Variants in DIAPH3 observed in about 807,000 individuals in gnomAD.
DIAPH3 encodes diaphanous related formin 3.
A neutral mutation model predicts 144.3 loss-of-function variants in DIAPH3; 117 were observed. The observed-to-expected ratio is 0.81, with a 90% CI of 0.70 to 0.95. The LOEUF is 0.95. Among genes scored for constraint, DIAPH3 ranks in the 40% least tolerant of loss-of-function variants. The pLI, the probability that DIAPH3 is intolerant of heterozygous loss-of-function variation, is 0.00. For missense variants in DIAPH3, 1,421 were observed against 1,412.7 expected, an observed-to-expected ratio of 1.01 and a Z score of -0.09; for synonymous variants, 519 against 488.9, an observed-to-expected ratio of 1.06 and a Z score of -0.81.
chr13:59,826,861 C>G (rs2041462550), intron 24 of DIAPH3, among the ~76,000 whole-genome samples: 1 of 151,902 alleles, frequency 6.6e-6, no homozygotes. Flanking sequence ...AGAACACAGC[C>G]CTCAGAAATA....
intron 27 of DIAPH3, among the ~76,000 whole-genome samples, chr13:59,702,145 G>A (rs994269417): frequency 6.6e-6 from 1 of 152,088 alleles, no homozygotes; most frequent in Non-Finnish European, 1.5e-5. Flanking sequence ...CTTGGCCATA[G>A]TAATTGTATT....
chr13:59,715,668 C>T (rs1413051441), intron 27 of DIAPH3, among the ~76,000 whole-genome samples: 1 of 151,892 alleles, frequency 6.6e-6, no homozygotes, highest in Non-Finnish European at 1.5e-5. Context: ...CATAGTTTGT[C>T]CCAATTATAG....
At chr13:60,147,977 A>G (rs1014193850) in intron 1 of DIAPH3, among the ~76,000 whole-genome samples, 1 of 152,108 alleles carries the variant, frequency 6.6e-6, no homozygotes, top group Non-Finnish European at 1.5e-5. Context: ...CAGCAGAGAG[A>G]TGGAAGGTAA....
chr13:59,759,197 G>C (rs1337813714), intron 27 of DIAPH3, among the ~76,000 whole-genome samples: 1 of 152,124 alleles, frequency 6.6e-6, no homozygotes, highest in African/African-American at 2.4e-5. Flanking sequence ...AAAATACAAA[G>C]AGGTTATAGA....
intron 27 of DIAPH3, chr13:59,695,266 C>G (rs1593596900): frequency 6.6e-6 from 1 of 152,190 alleles, no homozygotes; most frequent in Admixed American, 6.5e-5. Flanking sequence ...AGGCAAGCAG[C>G]ATAAATGTCT....
intron 27 of DIAPH3, among the ~76,000 whole-genome samples, chr13:59,768,211 A>G (rs1249511671): frequency 6.6e-6 from 1 of 152,160 alleles, no homozygotes; most frequent in Non-Finnish European, 1.5e-5. Context: ...GTCAAAAACC[A>G]TTAGTATTTT....
chr13:59,875,277 A>G (rs2140027869), intron 21 of DIAPH3, among the ~76,000 whole-genome samples: 1 of 152,272 alleles, frequency 6.6e-6, no homozygotes, highest in Admixed American at 6.5e-5. Flanking sequence ...GTTCAGTACT[A>G]CATTTGGAGG....
At chr13:60,127,907 T>G (rs976928124) in intron 2 of DIAPH3, among the ~76,000 whole-genome samples, 2 of 151,918 alleles carry the variant, frequency 1.3e-5, no homozygotes, top group Non-Finnish European at 2.9e-5. Context: ...TACCTCAACT[T>G]TTTTTTTAAC....
At chr13:59,882,129 C>T (rs1229168141) in intron 20 of DIAPH3, among the ~76,000 whole-genome samples, 1 of 152,090 alleles carries the variant, frequency 6.6e-6, no homozygotes, top group East Asian at 1.9e-4. Context: ...CACTCTGTCA[C>T]CCAGGCTGGA....
chr13:59,810,783 C>G lies in DIAPH3; in HGVS notation c.3163+5G>C, dbSNP rs2040429460. 6.2e-7 allele frequency: 1 copy of G among 1,612,864 alleles called. No homozygotes were observed. The highest frequency in any genetic ancestry group is 1.3e-5 in the African/African-American group (1 of 75,016). On this transcript the variant is annotated splice_donor_5th_base_variant and intron_variant, in intron 25 of 27. Coordinates refer to ENST00000400324, the MANE Select transcript of DIAPH3 (RefSeq NM_001042517.2). Reference sequence around the variant, plus strand: ...AGAATAAATAACAAATTTGATAGTACTCACCAGTCTTCATTTCTAATAAAC... The same window carrying G: ...AGAATAAATAACAAATTTGATAGTAGTCACCAGTCTTCATTTCTAATAAAC...
At chr13:59,761,571 C>T (rs1393648435) in intron 27 of DIAPH3, among the ~76,000 whole-genome samples, 1 of 152,026 alleles carries the variant, frequency 6.6e-6, no homozygotes, top group African/African-American at 2.4e-5. Flanking sequence ...ATCTATACAA[C>T]ACAAAAGAAA....
At chr13:59,876,481 G>T (rs934755231) in intron 21 of DIAPH3, among the ~76,000 whole-genome samples, 7 of 152,166 alleles carry the variant, frequency 4.6e-5, no homozygotes, top group African/African-American at 1.4e-4. Flanking sequence ...ATTTGTAAAA[G>T]ATTTAAAAAT....
chr13:59,718,816 C>T (rs1041514500), intron 27 of DIAPH3, among the ~76,000 whole-genome samples: 1 of 151,946 alleles, frequency 6.6e-6, no homozygotes, highest in African/African-American at 2.4e-5. Context: ...TCAATCATCA[C>T]AAAGGTTGGA....
intron 1 of DIAPH3, among the ~76,000 whole-genome samples, chr13:60,145,533 C>T (rs1951469625): frequency 6.6e-6 from 1 of 152,112 alleles, no homozygotes; most frequent in Non-Finnish European, 1.5e-5. Flanking sequence ...ACCTGTAGTC[C>T]CAGCTACTTG....
At chr13:59,918,401 C>G (rs936683869) in intron 18 of DIAPH3, among the ~76,000 whole-genome samples, 1 of 152,078 alleles carries the variant, frequency 6.6e-6, no homozygotes, top group Non-Finnish European at 1.5e-5. Context: ...ATCTAACGGT[C>G]CTTTGAGAAA....
chr13:60,093,627 C>T lies in DIAPH3; in HGVS notation c.495+1G>A. The T allele has an allele frequency of 1.9e-6, 3 of 1,592,874 alleles. No individual in the cohort carries two copies. The highest frequency in any genetic ancestry group is 2.6e-6 in the Non-Finnish European group (3 of 1,162,196). ...TTTTTCAACTTGACAGTTTTACTTA[C>T]TGTCTTAGAAGCAGTATTAATGTAC... On this transcript the variant is annotated splice_donor_variant, in intron 4 of 27. Transcript: ENST00000400324. LOFTEE classifies it high-confidence loss of function.
At chr13:60,010,502 A>T (rs2053168888) in intron 8 of DIAPH3, 31 bp downstream of exon 8, 1 of 1,537,152 alleles carries the variant, frequency 6.5e-7, no homozygotes, top group African/African-American at 1.4e-5. Context: ...AAATTATTAT[A>T]TAATTAGGGG....
At chr13:59,770,034 G>C (rs1241344923) in intron 27 of DIAPH3, among the ~76,000 whole-genome samples, 1 of 151,968 alleles carries the variant, frequency 6.6e-6, no homozygotes, top group Non-Finnish European at 1.5e-5. Flanking sequence ...TTAATAAGTA[G>C]CCCTCCACTT....
intron 27 of DIAPH3, among the ~76,000 whole-genome samples, chr13:59,709,895 C>A (rs1436502113): frequency 6.6e-6 from 1 of 151,936 alleles, no homozygotes; most frequent in Non-Finnish European, 1.5e-5. Flanking sequence ...CACATATACA[C>A]CATGGAATAC....
Sources: gnomAD v4.1 joint callset for allele counts (sites outside exome capture counted in the v4.1 genomes callset) on GRCh38, gnomAD v4.1.1 for gene constraint, MANE v1.5 for transcripts, NCBI Gene and HGNC (gene_info 2026-07-23, HGNC 2026-07-21) for gene names.